Variants in UPF2 observed in about 807,000 individuals in gnomAD.
UPF2 encodes the protein regulator of nonsense transcripts 2.
Under a neutral mutation model 141.4 loss-of-function variants are expected in UPF2, and 17 were observed. The observed-to-expected ratio is 0.12, with a 90% CI of 0.08 to 0.18. The LOEUF is 0.18. UPF2 is among the 10% of genes least tolerant of loss of function. The pLI is 1.00. For synonymous variants in UPF2, 540 were observed against 498.0 expected, an observed-to-expected ratio of 1.08 and a Z score of -1.12; for missense variants, 1,152 against 1,515.9, an observed-to-expected ratio of 0.76 and a Z score of 3.99.
At position 11,956,500 on chromosome 10, in the gene UPF2, C is replaced by G. The variant is rs138976958; in HGVS notation, c.2394G>C (p.Leu798=). The G allele has an allele frequency of 7.4e-6, 12 of 1,613,690 alleles. No homozygotes were observed. The African/African-American group carries it at 1.6e-4, about 22-fold the overall frequency. The change falls in exon 13 of 22, where the codon CTG becomes CTC. Residue 798 remains leucine (L), a synonymous_variant. Transcript: ENST00000357604. The surrounding 1 kb of genome is among the most constrained non-coding windows in gnomAD (Gnocchi z 4.2). ...TEKVLRQMRK[L]PWQDQEVKDY... is the part of the protein sequence containing the mutation. Reference sequence around the variant, plus strand: ...CTTTCACTTCTTGGTCCTGCCAGGGCAGCTTTCGCATCTGTCTCAAAACCT... The same window carrying G: ...CTTTCACTTCTTGGTCCTGCCAGGGGAGCTTTCGCATCTGTCTCAAAACCT...
intron 4 of UPF2, among the ~76,000 whole-genome samples, chr10:12,008,969 G>A (rs958104098): frequency 2.0e-5 from 3 of 151,978 alleles, no homozygotes; most frequent in Admixed American, 2.0e-4. Context: ...ATGTTAGTTT[G>A]CTGAGAATGA....
rs1486114589 is a variant in UPF2 at position 11,998,364 on chromosome 10, T to A, written c.1759-607A>T. On this transcript the variant is annotated intron_variant, in intron 7 of 21. Transcript: ENST00000357604. This position sits in a 1 kb window ranked among gnomAD's most constrained non-coding sequence, Gnocchi z 4.5. ...AAAATTTCATAAAACAGGGAATTTA[T>A]CTAGATGACCATTACCACCTGGACA... 6.6e-6 allele frequency among the ~76,000 whole-genome samples: 1 copy of A among 152,108 alleles called. No homozygotes were observed.
intron 15 of UPF2, 92 bp from the exon 16 acceptor site, chr10:11,948,600 T>C (rs970491105): frequency 2.9e-6 from 4 of 1,374,388 alleles, no homozygotes; most frequent in Admixed American, 2.2e-5. Flanking sequence ...AAGTATGCAT[T>C]AAGAATTCAA....
intron 11 of UPF2, among the ~76,000 whole-genome samples, chr10:11,960,471 A>C (rs1457013067): frequency 6.6e-6 from 1 of 152,142 alleles, no homozygotes; most frequent in Non-Finnish European, 1.5e-5. Context: ...GGGAAGCTGA[A>C]GCAGGAGGAT....
At position 12,016,946 on chromosome 10, in the gene UPF2, G is replaced by T. The variant is rs571654995; in HGVS notation, c.1146-2762C>A. 7.3e-5 allele frequency among the ~76,000 whole-genome samples: 11 copies of T among 151,258 alleles called. No individual in the cohort carries two copies. The East Asian group carries it at 2.0e-3, about 27-fold the overall frequency. ...GAGGCAGGAGAATCATTTGAACTCG[G>T]AAGGCAGAGGTTGCAGTGAGCTGAG... On this transcript the variant is annotated intron_variant, in intron 3 of 21. Transcript: ENST00000357604. This position sits in a 1 kb window ranked among gnomAD's most constrained non-coding sequence, Gnocchi z 4.1.
At chr10:12,020,042 C>T (rs1834290310) in intron 3 of UPF2, among the ~76,000 whole-genome samples, 1 of 151,788 alleles carries the variant, frequency 6.6e-6, no homozygotes, top group South Asian at 2.1e-4. Context: ...TTTTATATTA[C>T]TAATTTAATA....
chr10:11,951,083 A>G (rs553266595), intron 15 of UPF2, among the ~76,000 whole-genome samples: 137 of 152,240 alleles, frequency 9.0e-4, no homozygotes, highest in African/African-American at 3.2e-3. Flanking sequence ...TTTTTTTGAG[A>G]TGGAGTTTCG....
intron 6 of UPF2, among the ~76,000 whole-genome samples, chr10:12,001,211 C>T (rs574400277): frequency 4.5e-4 from 69 of 152,134 alleles, no homozygotes; most frequent in African/African-American, 1.6e-3. Flanking sequence ...GTCAGGAGTT[C>T]GAGACAAGCC....
intron 4 of UPF2, among the ~76,000 whole-genome samples, chr10:12,012,207 C>T (rs555036575): frequency 4.0e-4 from 60 of 151,110 alleles, no homozygotes; most frequent in African/African-American, 1.3e-3. Flanking sequence ...GGATTACAGG[C>T]GCACACCACC....
chr10:11,934,469 G>A (rs909466334), intron 19 of UPF2, among the ~76,000 whole-genome samples: 4 of 152,234 alleles, frequency 2.6e-5, no homozygotes, highest in Admixed American at 6.5e-5. Flanking sequence ...TGGAGGCAAG[G>A]CCGGACGATG....
chr10:12,015,071 G>A (rs893876861), intron 3 of UPF2, among the ~76,000 whole-genome samples: 6 of 152,048 alleles, frequency 3.9e-5, no homozygotes, highest in Non-Finnish European at 7.4e-5. Context: ...TATATAGCTG[G>A]ATCCAATTTT....
At chr10:11,926,249 G>A (rs192709094) in intron 21 of UPF2, among the ~76,000 whole-genome samples, 3 of 152,316 alleles carry the variant, frequency 2.0e-5, no homozygotes, top group East Asian at 3.9e-4. Flanking sequence ...GGCAGACAAC[G>A]CTTCCTCTCC....
At chr10:12,018,033 T>C (rs1834254527) in intron 3 of UPF2, among the ~76,000 whole-genome samples, 1 of 152,228 alleles carries the variant, frequency 6.6e-6, no homozygotes, top group Non-Finnish European at 1.5e-5. Context: ...TGTAGCCATA[T>C]ATCCTTTCTT....
chr10:11,985,532 G>T (rs1833674179), intron 8 of UPF2, among the ~76,000 whole-genome samples: 1 of 151,352 alleles, frequency 6.6e-6, no homozygotes, highest in African/African-American at 2.4e-5. Context: ...AGCTACTCGG[G>T]AGGCTGAGGC....
rs757992634 is a variant in UPF2 at position 12,029,408 on chromosome 10, A to T, written c.482T>A (p.Phe161Tyr). ...APDSRPEENF[F>Y]SRLDSSLKKN... ...CTTCAAACTTGAGTCGAGGCGGCTG[A>T]AGAAGTTTTCCTCTGGTCGGCTGTC... Residue 161 changes from phenylalanine to tyrosine, a missense_variant, in exon 3 of 22, where the codon TTC becomes TAC. By Grantham distance (22) the Phe-to-Tyr change is conservative. Coordinates refer to ENST00000357604, the MANE Select transcript of UPF2 (RefSeq NM_015542.4). 1.9e-6 allele frequency: 3 copies of T among 1,614,226 alleles called. No individual in the cohort carries two copies. In the South Asian group the frequency reaches 3.3e-5, roughly 18 times the overall value.
intron 21 of UPF2, among the ~76,000 whole-genome samples, chr10:11,929,370 T>G (rs544849784): frequency 6.6e-6 from 1 of 152,298 alleles, no homozygotes; most frequent in Admixed American, 6.5e-5. Flanking sequence ...AAAGCCAAGA[T>G]CTAGCTGAAA....
chr10:12,032,950 C>A (rs1834553485), intron 2 of UPF2, among the ~76,000 whole-genome samples: 1 of 151,762 alleles, frequency 6.6e-6, no homozygotes, highest in Non-Finnish European at 1.5e-5. Flanking sequence ...TATGATGGAA[C>A]CTGAGAATAG....
At chr10:11,934,350 G>C (rs1265046147) in intron 19 of UPF2, among the ~76,000 whole-genome samples, 5 of 152,140 alleles carry the variant, frequency 3.3e-5, no homozygotes, top group Non-Finnish European at 5.9e-5. Flanking sequence ...CTCACAGATA[G>C]AGAATGGAGA....
chr10:11,968,083 G>T (rs1309557004), intron 9 of UPF2, among the ~76,000 whole-genome samples: 1 of 152,114 alleles, frequency 6.6e-6, no homozygotes, highest in African/African-American at 2.4e-5. Flanking sequence ...GGAAGCTGAG[G>T]CAGGAGAATT....
Sources: allele counts gnomAD v4.1 joint callset (sites outside exome capture counted in the v4.1 genomes callset), GRCh38; gene constraint gnomAD v4.1.1; non-coding constraint Gnocchi (gnomAD v3.1); transcripts MANE v1.5; gene names NCBI Gene and HGNC (gene_info 2026-07-23, HGNC 2026-07-21).